The following MAPKBP1 variants were observed in gnomAD, a reference collection of about 807,000 sequenced individuals.
MAPKBP1 encodes mitogen-activated protein kinase-binding protein 1.
In MAPKBP1, 71 loss-of-function variants were observed where a neutral mutation model predicts 170.5. The observed-to-expected ratio is 0.42, with a 90% CI of 0.34 to 0.51. The LOEUF (loss-of-function observed/expected upper bound fraction) is 0.51. Ranked by LOEUF, MAPKBP1 falls within the 20% of genes least tolerant of loss-of-function variation. The probability of loss-of-function intolerance (pLI) is 0.06; values close to 1 mark genes in which losing one functional copy is unlikely to be tolerated. For missense variants in MAPKBP1, 1,598 were observed against 1,933.0 expected (o/e 0.83, Z 3.25); for synonymous variants, 719 against 757.9 (o/e 0.95, Z 0.84).
At chr15:41,776,723 A>G (rs184677312) in intron 2 of MAPKBP1, among the ~76,000 whole-genome samples, 4 of 152,340 alleles carry the variant, frequency 2.6e-5, no homozygotes, top group African/African-American at 7.2e-5. Context: ...CAGGAATGAT[A>G]TATGTAGTAG....
intron 2 of MAPKBP1, among the ~76,000 whole-genome samples, chr15:41,796,056 T>C (rs2064482948): frequency 6.6e-6 from 1 of 152,182 alleles, no homozygotes; most frequent in African/African-American, 2.4e-5. Flanking sequence ...TGGTGGTAAA[T>C]AGTTACAGGC....
Position 41,827,272 on chromosome 15 carries a change from C to G in MAPKBP1, c.*1836C>G, listed in dbSNP as rs1338809004. 6.6e-6 allele frequency: 1 copy of G among 151,932 alleles called. No homozygotes were observed. The highest frequency in any genetic ancestry group is 2.4e-5 in the African/African-American group (1 of 41,290). The allele number at this position is 151,932 out of a possible 1,614,324, so 9.4% of individuals were successfully genotyped here. The stretch of plus-strand genomic sequence containing the variant: ...CCGAGATCGCGCCATTGCACTCCAA[C>G]CTAGGTGACAAAGCTACACGCCATC... On this transcript the variant is annotated 3_prime_UTR_variant, in exon 31 of 31. Transcript: ENST00000457542.
At chr15:41,788,659 C>T (rs2064341940) in intron 2 of MAPKBP1, among the ~76,000 whole-genome samples, 1 of 152,124 alleles carries the variant, frequency 6.6e-6, no homozygotes, top group Admixed American at 6.5e-5. Context: ...GGCTTCTTTC[C>T]AGAAAAATGA....
rs766434964 is a variant in MAPKBP1, at chr15:41,817,765, C to G, written c.1904+30C>G. The G allele has an allele frequency of 1.9e-6, 3 of 1,606,196 alleles. No individual in the cohort carries two copies. Among genetic ancestry groups the G allele is most frequent in the Admixed American group, 1.7e-5 (1 of 58,428 alleles). On this transcript the variant is annotated intron_variant, in intron 16 of 30. Transcript: ENST00000457542. This position sits in a 1 kb window ranked among gnomAD's most constrained non-coding sequence, Gnocchi z 4.2. ...GCGTCCCCTCCTCAGACTCTGCCCA[C>G]ATTCCTTCATCTCCCTACGGGGTCA... is the stretch of plus-strand genomic sequence containing the variant.
rs768642254 is a variant in MAPKBP1, at chr15:41,821,088, G to C, written c.2718+20G>C. On this transcript the variant is annotated intron_variant, in intron 23 of 30. Transcript: ENST00000457542. ...AGCCAGGTGAGCCTGCTTTCTCCCA[G>C]CTCTCTAGAGAGTTCCAAGGGGCCT... The C allele has an allele frequency of 7.4e-6, 12 of 1,611,050 alleles. No homozygotes were observed. Among genetic ancestry groups the C allele is most frequent in the Middle Eastern group, 1.8e-4 (1 of 5,534 alleles).
intron 3 of MAPKBP1, among the ~76,000 whole-genome samples, chr15:41,802,792 A>G (rs1180067964): frequency 6.6e-6 from 1 of 152,202 alleles, no homozygotes; most frequent in Non-Finnish European, 1.5e-5. Context: ...TTTTCTTTTT[A>G]TCTTCTATAA....
intron 2 of MAPKBP1, 31 bp downstream of exon 2, chr15:41,775,420 A>G (rs779108698): frequency 6.7e-7 from 1 of 1,497,000 alleles, no homozygotes; most frequent in Non-Finnish European, 9.3e-7. Context: ...CCTCTTTCCA[A>G]ACCCACCCTC....
chr15:41,790,155 C>A (rs2064369495), intron 2 of MAPKBP1, among the ~76,000 whole-genome samples: 2 of 152,128 alleles, frequency 1.3e-5, no homozygotes, highest in Admixed American at 6.5e-5. Flanking sequence ...AGCTGTAGAT[C>A]CTCTCTCTGC....
At chr15:41,804,532 G>A (rs1385938611) in intron 3 of MAPKBP1, among the ~76,000 whole-genome samples, 1 of 152,242 alleles carries the variant, frequency 6.6e-6, no homozygotes, top group Non-Finnish European at 1.5e-5. Flanking sequence ...AAAAGGCCTT[G>A]GGGTGCTGCT....
Position 41,811,200 on chromosome 15 carries a change from TTC to T in MAPKBP1, c.295_296del (p.Ser99ProfsTer2). 6.2e-7 allele frequency: 1 copy of T among 1,614,242 alleles called. No individual in the cohort carries two copies. Among genetic ancestry groups the T allele is most frequent in the Non-Finnish European group, 8.5e-7 (1 of 1,180,032 alleles). ...CAGGAAAACCATCACTGCCCTTGCCTTCTCCCCTGATGGCAAGTACTTGGTCA... is the reference window on the plus strand; with the variant it reads ...CAGGAAAACCATCACTGCCCTTGCCTTCCCCTGATGGCAAGTACTTGGTCA... ...SSRKTITALA[F>X]SPDGKYLVTG... On this transcript the variant is annotated frameshift_variant, in exon 5 of 31. Transcript: ENST00000457542. LOFTEE classifies it high-confidence loss of function.
intron 2 of MAPKBP1, among the ~76,000 whole-genome samples, chr15:41,794,605 A>G (rs1160601164): frequency 6.6e-6 from 1 of 152,102 alleles, no homozygotes; most frequent in African/African-American, 2.4e-5. Flanking sequence ...GAACAACTTT[A>G]TTGGTCTGAA....
chr15:41,810,918 A>G lies in MAPKBP1; in HGVS notation c.242A>G (p.Lys81Arg). 1 of 1,614,112 alleles carries G rather than the reference A, an allele frequency of 6.2e-7. No individual in the cohort carries two copies. Among genetic ancestry groups the G allele is most frequent in the Non-Finnish European group, 8.5e-7 (1 of 1,180,026 alleles). ...GTGTTGTTCAATCCCCGGAAACACA[A>G]ACAGCACCACATCCTCAACAGTTCC... ...VVVLFNPRKHKQHHILNSSRK... is the reference protein window; with the variant it reads ...VVVLFNPRKHRQHHILNSSRK... Residue 81 changes from lysine (K) to arginine (R), a missense_variant, in exon 4 of 31, where the codon AAA (lysine) becomes AGA (arginine). Coordinates refer to ENST00000457542, the MANE Select transcript of MAPKBP1 (RefSeq NM_014994.3).
chr15:41,819,099 T>A, intron 20 of MAPKBP1, 142 bp downstream of exon 20: 14 of 1,456,300 alleles, frequency 9.6e-6, no homozygotes, highest in Non-Finnish European at 1.1e-5. Context: ...ATCCATGATG[T>A]CAGCCTCTTC....
intron 3 of MAPKBP1, among the ~76,000 whole-genome samples, chr15:41,805,727 G>T (rs376029580): frequency 6.6e-6 from 1 of 152,166 alleles, no homozygotes; most frequent in African/African-American, 2.4e-5. Flanking sequence ...CTGTGTTCTC[G>T]TGACACCTGA....
chr15:41,798,982 G>T (rs1371361971), intron 2 of MAPKBP1, among the ~76,000 whole-genome samples: 1 of 152,194 alleles, frequency 6.6e-6, no homozygotes, highest in Admixed American at 6.5e-5. Context: ...ACAGCAAGAG[G>T]TTAGAGGGAA....
intron 2 of MAPKBP1, among the ~76,000 whole-genome samples, chr15:41,778,931 G>A (rs928126428): frequency 1.3e-5 from 2 of 152,210 alleles, no homozygotes; most frequent in African/African-American, 4.8e-5. Flanking sequence ...CTCCTTAAGA[G>A]CCATTAATCT....
intron 24 of MAPKBP1, 32 bp from the exon 25 acceptor site, chr15:41,821,933 G>A: frequency 6.2e-7 from 1 of 1,604,070 alleles, no homozygotes. Context: ...CCTGCTCACT[G>A]CCTTTTCTTC....
intron 21 of MAPKBP1, 46 bp from the exon 22 acceptor site, chr15:41,819,549 G>GGGGT (rs2064953896): frequency 3.5e-6 from 5 of 1,448,748 alleles, no homozygotes; most frequent in South Asian, 2.4e-5. Context: ...TTGGGTGGCG[G>GGGGT]GGGGGGGGCA....
chr15:41,790,141 T>C (rs558130601), intron 2 of MAPKBP1, among the ~76,000 whole-genome samples: 1 of 152,338 alleles, frequency 6.6e-6, no homozygotes, highest in South Asian at 2.1e-4. Flanking sequence ...ATTCAGTAAA[T>C]GGCAGCTGTA....
Sources: gnomAD v4.1 joint callset for allele counts (sites outside exome capture counted in the v4.1 genomes callset) on GRCh38, gnomAD v4.1.1 for gene constraint, Gnocchi (gnomAD v3.1) non-coding constraint, MANE v1.5 for transcripts, NCBI Gene and HGNC (gene_info 2026-07-23, HGNC 2026-07-21) for gene names.